DACH2: variants seen among roughly 807,000 people sequenced by gnomAD.
DACH2 encodes dachshund homolog 2.
A neutral mutation model predicts 35.8 loss-of-function variants in DACH2; 17 were observed. The observed-to-expected ratio is 0.48, with a 90% CI of 0.33 to 0.71. The LOEUF (loss-of-function observed/expected upper bound fraction) is 0.71, where lower values mean the gene tolerates loss of function less well. Among genes scored for constraint, DACH2 ranks in the 30% least tolerant of loss-of-function variants. DACH2 has a pLI of 0.02. For synonymous variants in DACH2, 195 were observed against 177.3 expected (o/e 1.10, Z -0.79); for missense variants, 469 against 472.7 (o/e 0.99, Z 0.07).
At chrX:86,193,250 T>C (rs242869) in intron 1 of DACH2, among the ~76,000 whole-genome samples, 8,928 of 111,557 alleles carry the variant, frequency 0.08, 879 homozygotes, top group African/African-American at 0.28. Context: ...AAGGAAAATT[T>C]TCCTGCCTTC....
chrX:86,746,288 C>T (rs2041712042), intron 7 of DACH2, among the ~76,000 whole-genome samples: 1 of 111,073 alleles, frequency 9.0e-6, no homozygotes, highest in South Asian at 3.8e-4. Flanking sequence ...ATTGATGTGT[C>T]TTATGGTAAT....
At chrX:86,640,697 A>T (rs1447235753) in intron 3 of DACH2, among the ~76,000 whole-genome samples, 1 of 110,968 alleles carries the variant, frequency 9.0e-6, no homozygotes, top group Non-Finnish European at 1.9e-5. Context: ...AGAGGAAGCC[A>T]CCCTTTCAGA....
intron 7 of DACH2, among the ~76,000 whole-genome samples, chrX:86,800,571 GGTT>G (rs767819406): frequency 9.1e-4 from 102 of 112,091 alleles, no homozygotes; most frequent in African/African-American, 3.0e-3. Flanking sequence ...TTTTGGTAAA[GGTT>G]GTTAAATTAA....
intron 7 of DACH2, among the ~76,000 whole-genome samples, chrX:86,753,304 G>T (rs776585156): frequency 9.0e-6 from 1 of 111,674 alleles, no homozygotes; most frequent in African/African-American, 3.2e-5. Context: ...CATTCATTCT[G>T]AATGCATTTG....
chrX:86,160,130 T>C, intron 1 of DACH2: 1 of 577,920 alleles, frequency 1.7e-6, no homozygotes, highest in Non-Finnish European at 2.6e-6. Context: ...CATTAACCAG[T>C]CTTTTACTAT....
chrX:86,731,668 G>C (rs2041533995), intron 6 of DACH2, among the ~76,000 whole-genome samples: 1 of 111,776 alleles, frequency 8.9e-6, no homozygotes, highest in Non-Finnish European at 1.9e-5. Context: ...TTATCAGCAT[G>C]TAAATATTGG....
intron 1 of DACH2, among the ~76,000 whole-genome samples, chrX:86,248,313 G>C (rs752720585): frequency 9.0e-6 from 1 of 110,955 alleles, no homozygotes; most frequent in Admixed American, 9.6e-5. Context: ...CTGCTCCAAA[G>C]CTCCTAGATC....
In DACH2 at chrX:86,813,213, C is replaced by A. The variant is rs2042411944; in HGVS notation, c.1473C>A (p.Leu491=). The change falls in exon 9 of 12, where the codon CTC becomes CTA. Residue 491 remains leucine (L), a synonymous_variant. Transcript: ENST00000373125. Reference sequence around the variant, plus strand: ...AAAAGAAGGAGCTGCGACTGGAGCTCTATAGAGAGAGAGAAATTAGAGAAA... The same window carrying A: ...AAAAGAAGGAGCTGCGACTGGAGCTATATAGAGAGAGAGAAATTAGAGAAA... ...QQEKKELRLE[L]YREREIRENL... The A allele has an allele frequency of 8.3e-7, 1 of 1,201,189 alleles. No homozygotes were observed. Among genetic ancestry groups the A allele is most frequent in the Non-Finnish European group, 1.1e-6 (1 of 891,900 alleles).
chrX:86,174,388 A>G (rs1385993783), intron 1 of DACH2, among the ~76,000 whole-genome samples: 1 of 110,144 alleles, frequency 9.1e-6, no homozygotes, highest in Admixed American at 9.7e-5. Flanking sequence ...TCACCTCCCA[A>G]AGTGGTGGGA....
intron 2 of DACH2, among the ~76,000 whole-genome samples, chrX:86,484,892 A>G (rs2037995782): frequency 8.9e-6 from 1 of 112,049 alleles, no homozygotes. Flanking sequence ...ACAACTGCAG[A>G]TGAAATTTCT....
chrX:86,258,712 A>C (rs773829585), intron 1 of DACH2, among the ~76,000 whole-genome samples: 1 of 111,787 alleles, frequency 8.9e-6, no homozygotes, highest in South Asian at 3.7e-4. Flanking sequence ...TCCAGTATAT[A>C]TATTTATTTG....
At position 86,397,745 on chromosome X, in the gene DACH2, T is replaced by C. The variant is rs746073500; in HGVS notation, c.527+20883T>C. Among the ~76,000 whole-genome samples the C allele has an allele frequency of 3.7e-4, 41 of 111,889 alleles. 1 individual carries two copies. The highest frequency in any genetic ancestry group is 1.2e-3 in the African/African-American group (37 of 30,772). On this transcript the variant is annotated intron_variant, in intron 2 of 11. Coordinates refer to ENST00000373125, the MANE Select transcript of DACH2 (RefSeq NM_053281.3). ...CTTGCATCCCAGGGATGAAGCCCACTTGATCATGGTGAATAAGCTTTTTGA... is the reference window on the plus strand; with the variant it reads ...CTTGCATCCCAGGGATGAAGCCCACCTGATCATGGTGAATAAGCTTTTTGA...
At chrX:86,373,655 ATGG>A (rs887255190) in intron 1 of DACH2, among the ~76,000 whole-genome samples, 5 of 110,991 alleles carry the variant, frequency 4.5e-5, no homozygotes, top group Admixed American at 1.9e-4. Flanking sequence ...CGTCTGTTAA[ATGG>A]TGGTGGTGGT....
At chrX:86,326,703 G>A (rs1453630877) in intron 1 of DACH2, among the ~76,000 whole-genome samples, 2 of 110,505 alleles carry the variant, frequency 1.8e-5, no homozygotes, top group Non-Finnish European at 3.8e-5. Flanking sequence ...TGTCCCTCCT[G>A]TGTCCTCCAG....
At chrX:86,176,277 G>C (rs1009529377) in intron 1 of DACH2, among the ~76,000 whole-genome samples, 3 of 111,326 alleles carry the variant, frequency 2.7e-5, no homozygotes, top group Non-Finnish European at 5.7e-5. Flanking sequence ...AGGATTGTTG[G>C]AGTACTAGAA....
chrX:86,401,930 A>G (rs1017888423), intron 2 of DACH2, among the ~76,000 whole-genome samples: 3 of 111,989 alleles, frequency 2.7e-5, no homozygotes, highest in African/African-American at 9.8e-5. Context: ...ATTAAACACA[A>G]AAACTATATG....
At chrX:86,180,590 C>T (rs1274147612) in intron 1 of DACH2, among the ~76,000 whole-genome samples, 2 of 110,851 alleles carry the variant, frequency 1.8e-5, no homozygotes, top group East Asian at 2.8e-4. Context: ...TTAGCTTATT[C>T]TCTTACATGT....
intron 4 of DACH2, among the ~76,000 whole-genome samples, chrX:86,673,330 C>T (rs1417379909): frequency 3.1e-4 from 19 of 60,764 alleles, no homozygotes; most frequent in Non-Finnish European, 5.4e-4. Flanking sequence ...AGCGAGACTC[C>T]GTCTCAAAAA....
intron 3 of DACH2, among the ~76,000 whole-genome samples, chrX:86,560,664 A>G (rs1206091217): frequency 1.1e-4 from 9 of 83,983 alleles, no homozygotes; most frequent in African/African-American, 3.7e-4. Context: ...TTCCCTATTT[A>G]ATAAATGGTG....
Sources: gnomAD v4.1 joint callset for allele counts (sites outside exome capture counted in the v4.1 genomes callset) on GRCh38, gnomAD v4.1.1 for gene constraint, MANE v1.5 for transcripts, NCBI Gene and HGNC (gene_info 2026-07-23, HGNC 2026-07-21) for gene names.